E4F1: variants seen among roughly 807,000 people sequenced by gnomAD.
E4F1 encodes the protein E4F transcription factor 1, also known as transcription factor E4F1.
Under a neutral mutation model 72.9 loss-of-function variants are expected in E4F1, and 30 were observed. That is an observed-to-expected ratio of 0.41 (90% confidence interval 0.31 to 0.56). The LOEUF is 0.56. Among genes scored for constraint, E4F1 ranks in the 20% least tolerant of loss-of-function variants. The pLI, the probability that E4F1 is intolerant of heterozygous loss-of-function variation, is 0.25. For missense variants in E4F1, 1,091 were observed against 1,117.5 expected (o/e 0.98, Z 0.34); for synonymous variants, 542 against 478.2 (o/e 1.13, Z -1.74).
chr16:2,234,581 A>G lies in E4F1; in HGVS notation c.1594-2A>G, dbSNP rs1422379982. The G allele has an allele frequency of 1.9e-6, 3 of 1,584,932 alleles. No homozygotes were observed. The highest frequency in any genetic ancestry group is 2.6e-6 in the Non-Finnish European group (3 of 1,165,790). On this transcript the variant is annotated splice_acceptor_variant, in intron 10 of 13. Transcript: ENST00000301727. LOFTEE classifies it high-confidence loss of function. ...GGCTGGCACTGACAGGTGTCTCCAC[A>G]GAACGCACAGCAGGTGCACTTCAGG... is the stretch of plus-strand genomic sequence containing the variant.
At chr16:2,225,577 T>A (rs1042821750) in intron 1 of E4F1, among the ~76,000 whole-genome samples, 3 of 151,072 alleles carry the variant, frequency 2.0e-5, no homozygotes. Context: ...GGGTTCAAGC[T>A]ATTCTCCTGA....
chr16:2,234,650 G>A lies in E4F1; in HGVS notation c.1661G>A (p.Arg554His), dbSNP rs961409050. Residue 554 changes from arginine (R) to histidine (H), a missense_variant, in exon 11 of 14, where the codon CGT becomes CAT. By Grantham distance (29) the Arg-to-His change is conservative. Transcript: ENST00000301727. ...CCGCACGTGTGCCAGTTCTGCAGCC[G>A]TGGCTTCCGAGAGAAGGGCTCACTG... ...EKPHVCQFCS[R>H]GFREKGSLVR... 1.8e-5 allele frequency: 29 copies of A among 1,598,546 alleles called. No homozygotes were observed. The highest frequency in any genetic ancestry group is 3.4e-5 in the South Asian group (3 of 88,742).
Position 2,235,475 on chromosome 16 carries a change from T to C in E4F1, c.2258T>C (p.Met753Thr), listed in dbSNP as rs753386458. The C allele has an allele frequency of 6.2e-7, 1 of 1,612,330 alleles. No individual in the cohort carries two copies. The highest frequency in any genetic ancestry group is 1.1e-5 in the South Asian group (1 of 91,076). Reference protein sequence around the residue: ...TSGTEQATVTMVSSEDIEILE... With the variant: ...TSGTEQATVTTVSSEDIEILE... ...GGCACTGAACAGGCCACTGTGACCA[T>C]GGTGTCATCAGAGGACATCGAGATC... The change falls in exon 14 of 14, where the codon ATG (methionine) becomes ACG (threonine). Residue 753 changes from methionine (M) to threonine (T), a missense_variant. Met to Thr is a moderately conservative substitution (Grantham distance 81, BLOSUM62 -1). Transcript: ENST00000301727.
chr16:2,233,290 C>T (rs2093480091), intron 7 of E4F1, 107 bp downstream of exon 7: 90 of 1,476,446 alleles, frequency 6.1e-5, no homozygotes, highest in Non-Finnish European at 8.1e-5. Context: ...CAGGCGAGGG[C>T]TGGGCTTCCC....
At position 2,233,057 on chromosome 16, in the gene E4F1, G is replaced by A; in HGVS notation, c.930G>A (p.Val310=). 1 of 1,611,178 alleles carries A rather than the reference G, an allele frequency of 6.2e-7. No homozygotes were observed. Among genetic ancestry groups the A allele is most frequent in the Non-Finnish European group, 8.5e-7 (1 of 1,178,466 alleles). ...GCTTGGGGACAGCCACATCATCGGT[G>A]ACAGGCGAGCCTATAGAGACTTCAC... is the stretch of plus-strand genomic sequence containing the variant. ...AAGLGTATSS[V]TGEPIETSPV... Residue 310 remains valine (V), a synonymous_variant, in exon 7 of 14, where the codon GTG becomes GTA. Transcript: ENST00000301727.
rs2093504744 is a variant in E4F1 at position 2,235,729 on chromosome 16, CAT to C, written c.*158_*159del. On this transcript the variant is annotated 3_prime_UTR_variant, in exon 14 of 14. Transcript: ENST00000301727. ...AGTTTCTTGTTGCTTTACAATAAAA[CAT>C]GAGAACCTGCAGCTTGTGATGTTGT... 1.5e-6 allele frequency: 1 copy of C among 658,738 alleles called. No homozygotes were observed. Among genetic ancestry groups the C allele is most frequent in the Non-Finnish European group, 2.5e-6 (1 of 402,448 alleles). The allele number at this position is 658,738 out of a possible 1,614,324, so 40.8% of individuals were successfully genotyped here.
At chr16:2,225,264 C>G (rs1377746848) in intron 1 of E4F1, among the ~76,000 whole-genome samples, 1 of 152,000 alleles carries the variant, frequency 6.6e-6, no homozygotes, top group Non-Finnish European at 1.5e-5. Flanking sequence ...TGGGGATGCA[C>G]TAAGGGCTCA....
At chr16:2,234,802 G>T in intron 11 of E4F1, 21 bp downstream of exon 11, 1 of 1,542,610 alleles carries the variant, frequency 6.5e-7, no homozygotes, top group South Asian at 1.2e-5. Flanking sequence ...GTGGAGGTGG[G>T]AGGGGGAGGG....
At position 2,232,040 on chromosome 16, in the gene E4F1, G is replaced by T. The variant is rs566292104; in HGVS notation, c.416-131G>T. 7.3e-4 allele frequency: 845 copies of T among 1,162,638 alleles called. 7 individuals carry two copies. The highest frequency in any genetic ancestry group is 7.0e-3 in the South Asian group (487 of 69,356). The allele number at this position is 1,162,638 out of a possible 1,614,324, so 72.0% of individuals were successfully genotyped here. ...CCTTGGCTGTTGCTCGGACCTGTGT[G>T]TTGAGGGCTCAGTGCAGGTTGGGTC... On this transcript the variant is annotated intron_variant, in intron 3 of 13. Coordinates refer to ENST00000301727, the MANE Select transcript of E4F1 (RefSeq NM_004424.5).
At chr16:2,231,818 A>G in intron 3 of E4F1, 1 of 265,248 alleles carries the variant, frequency 3.8e-6, no homozygotes. Context: ...AGCGAGCAGG[A>G]CAGGCGGCTG....
intron 1 of E4F1, among the ~76,000 whole-genome samples, chr16:2,226,680 A>C (rs1316119594): frequency 6.6e-6 from 1 of 152,238 alleles, no homozygotes; most frequent in Non-Finnish European, 1.5e-5. Flanking sequence ...CCTGACACTC[A>C]GCCGTTTGGT....
At chr16:2,229,793 C>T in intron 3 of E4F1, 118 bp downstream of exon 3, 1 of 1,136,322 alleles carries the variant, frequency 8.8e-7, no homozygotes, top group East Asian at 2.5e-5. Context: ...CTGGGAGGGG[C>T]CGCGGCCTCG....
chr16:2,224,019 GCCCC>G (rs1391154864), intron 1 of E4F1: 3 of 1,401,008 alleles, frequency 2.1e-6, no homozygotes, highest in Non-Finnish European at 2.8e-6. Context: ...GGGTTGCTGA[GCCCC>G]CGGGCGCCCG....
Position 2,233,533 on chromosome 16 carries a change from C to G in E4F1, c.1152C>G (p.Arg384=). 6.6e-7 allele frequency: 1 copy of G among 1,521,144 alleles called. No individual in the cohort carries two copies. The highest frequency in any genetic ancestry group is 8.8e-7 in the Non-Finnish European group (1 of 1,134,798). The allele number at this position is 1,521,144 out of a possible 1,614,324, so 94.2% of individuals were successfully genotyped here. A position where few individuals can be genotyped will look rare whatever the true frequency, so the allele number is the denominator to read the frequency against. The change falls in exon 8 of 14, where the codon CGC becomes CGG. Residue 384 remains arginine, a synonymous_variant. Transcript: ENST00000301727. The stretch of plus-strand genomic sequence containing the variant: ...AGAACTCCGGCATCGTCCTTGAGCG[C>G]GCTGCTGGGGAGGAGGGTGCCCTGG... ...AMQNSGIVLE[R]AAGEEGALEP...
intron 5 of E4F1, 42 bp from the exon 6 acceptor site, chr16:2,232,714 G>A (rs2093475764): frequency 2.5e-6 from 4 of 1,610,814 alleles, no homozygotes; most frequent in African/African-American, 1.3e-5. Context: ...CTTGTCGCCA[G>A]CCTGCTGGGG....
chr16:2,232,901 A>G lies in E4F1; in HGVS notation c.876A>G (p.Ala292=), dbSNP rs1465375791. ...ACGTGGTTGTCAGCAAAGAGGACGC[A>G]CGTGCAGGTCAGCATGGTGCGGGCA... ...SKDVVVSKED[A]RAGSGAGAAG... The change falls in exon 6 of 14, where the codon GCA becomes GCG. Residue 292 remains alanine (A), a synonymous_variant. Transcript: ENST00000301727. 10 of 1,613,284 alleles carry G rather than the reference A, an allele frequency of 6.2e-6. No individual in the cohort carries two copies. Among genetic ancestry groups the G allele is most frequent in the Non-Finnish European group, 8.5e-6 (10 of 1,179,996 alleles).
At position 2,233,942 on chromosome 16, in the gene E4F1, A is replaced by G; in HGVS notation, c.1327A>G (p.Thr443Ala). The G allele has an allele frequency of 6.2e-7, 1 of 1,602,818 alleles. No individual in the cohort carries two copies. Among genetic ancestry groups the G allele is most frequent in the Admixed American group, 1.7e-5 (1 of 58,794 alleles). ...RTHPCPQCSETFPTAATLEAH... is the reference protein window; with the variant it reads ...RTHPCPQCSEAFPTAATLEAH... ...CCACCCATGTCCTCAGTGCAGTGAG[A>G]CCTTCCCGACAGCAGCCACCCTGGA... The change falls in exon 9 of 14, where the codon ACC (threonine) becomes GCC (alanine). Residue 443 changes from threonine to alanine, a missense_variant. By Grantham distance (58) the Thr-to-Ala change is moderately conservative. This residue lies in a region of E4F1 where 622 missense variants were observed against 628.0 expected (regional missense o/e 0.99). Transcript: ENST00000301727.
rs1400374519 is a variant in E4F1 at position 2,235,202 on chromosome 16, C to T, written c.1999-14C>T. The T allele has an allele frequency of 6.2e-7, 1 of 1,609,126 alleles. No homozygotes were observed. Among genetic ancestry groups the T allele is most frequent in the East Asian group, 2.2e-5 (1 of 44,856 alleles). ...CCCTGGCACAGCCGCTCTTGCTGAGCCGTGGCCCTGCAGGTGGACAGCCAC... is the reference window on the plus strand; with the variant it reads ...CCCTGGCACAGCCGCTCTTGCTGAGTCGTGGCCCTGCAGGTGGACAGCCAC... On this transcript the variant is annotated splice_polypyrimidine_tract_variant and intron_variant, in intron 13 of 13. Transcript: ENST00000301727.
chr16:2,232,967 CTG>C, intron 6 of E4F1, 42 bp from the exon 7 acceptor site: 1 of 1,611,362 alleles, frequency 6.2e-7, no homozygotes, highest in East Asian at 2.2e-5. Flanking sequence ...GCAGCCGCCA[CTG>C]GGGTGTGTGA....
Sources: allele counts gnomAD v4.1 joint callset (sites outside exome capture counted in the v4.1 genomes callset), GRCh38; gene constraint gnomAD v4.1.1; regional missense constraint gnomAD v4.1.1; transcripts MANE v1.5; gene names NCBI Gene and HGNC (gene_info 2026-07-23, HGNC 2026-07-21).